ADCY2: variants seen among roughly 807,000 people sequenced by gnomAD.
ADCY2 encodes the protein adenylate cyclase 2.
ADCY2 carries 31 observed loss-of-function variants against 125.2 expected under a neutral mutation model. That is an observed-to-expected ratio of 0.25 (90% CI 0.19 to 0.33). The LOEUF (loss-of-function observed/expected upper bound fraction) is 0.33. ADCY2 is among the 10% of genes least tolerant of loss of function. The pLI, the probability that ADCY2 is intolerant of heterozygous loss-of-function variation, is 1.00. For missense variants in ADCY2, 904 were observed against 1,418.2 expected (o/e 0.64, Z 5.82); for synonymous variants, 512 against 548.4 (o/e 0.93, Z 0.93).
chr5:7,729,591 TTC>T (rs1388630530), intron 14 of ADCY2, among the ~76,000 whole-genome samples: 1 of 151,530 alleles, frequency 6.6e-6, no homozygotes, highest in African/African-American at 2.4e-5. Context: ...ATTGATCAAG[TTC>T]TTTCATTTTT....
chr5:7,503,481 T>C (rs984372184), intron 2 of ADCY2, among the ~76,000 whole-genome samples: 2 of 152,210 alleles, frequency 1.3e-5, no homozygotes, highest in African/African-American at 4.8e-5. Context: ...CATCTTAAAG[T>C]CATGTCAGTT....
chr5:7,564,569 T>C (rs545466657), intron 3 of ADCY2, among the ~76,000 whole-genome samples: 4 of 152,246 alleles, frequency 2.6e-5, no homozygotes, highest in Middle Eastern at 3.4e-3. Context: ...CTGTGTGCCA[T>C]GTCCCTGCCT....
chr5:7,750,244 C>T (rs1742762440), intron 15 of ADCY2, among the ~76,000 whole-genome samples: 2 of 152,004 alleles, frequency 1.3e-5, no homozygotes, highest in African/African-American at 4.8e-5. Context: ...TCTCTAGTGA[C>T]TTGGAACTTA....
At chr5:7,428,766 G>A (rs1447652092) in intron 2 of ADCY2, among the ~76,000 whole-genome samples, 2 of 152,158 alleles carry the variant, frequency 1.3e-5, no homozygotes, top group African/African-American at 4.8e-5. Context: ...TTGAAACAAT[G>A]GCTTTAAGAC....
chr5:7,426,435 G>A (rs1740391268), intron 2 of ADCY2, among the ~76,000 whole-genome samples: 1 of 152,190 alleles, frequency 6.6e-6, no homozygotes. Context: ...TCCCAAGACA[G>A]TCTTGTTGCT....
chr5:7,611,738 T>A (rs1737576026), intron 3 of ADCY2, among the ~76,000 whole-genome samples: 1 of 152,158 alleles, frequency 6.6e-6, no homozygotes, highest in Non-Finnish European at 1.5e-5. Flanking sequence ...CTTTATAAGC[T>A]GAAAAAGTGT....
Position 7,398,786 on chromosome 5 carries a change from G to A in ADCY2, c.210+2280G>A, listed in dbSNP as rs988541483. 3.3e-5 allele frequency among the ~76,000 whole-genome samples: 5 copies of A among 152,228 alleles called. 1 individual carries two copies. On this transcript the variant is annotated intron_variant, in intron 1 of 24. Coordinates refer to ENST00000338316, the MANE Select transcript of ADCY2 (RefSeq NM_020546.3). ...AAGGAGCTATGCCTAGGAGAAATGT[G>A]CCCTGTGTTCTGAAACCGGACCTGA...
intron 17 of ADCY2, among the ~76,000 whole-genome samples, chr5:7,772,056 C>G (rs1716997568): frequency 6.6e-6 from 1 of 152,166 alleles, no homozygotes; most frequent in Non-Finnish European, 1.5e-5. Flanking sequence ...CTGTGCATTA[C>G]TTTTTTATCT....
rs531914092 is a variant in ADCY2 at position 7,720,588 on chromosome 5, G to A, written c.1703+3351G>A. On this transcript the variant is annotated intron_variant, in intron 12 of 24. Coordinates refer to ENST00000338316, the MANE Select transcript of ADCY2 (RefSeq NM_020546.3). ...CAGGCTCTGTTGTTTGATGTTCCCC[G>A]CCCTGTGTCCAAGTGTTCTCATTGT... 1.7e-4 allele frequency among the ~76,000 whole-genome samples: 25 copies of A among 146,886 alleles called. 1 individual carries two copies. The East Asian group carries it at 3.1e-3, about 18-fold the overall frequency.
chr5:7,485,729 T>TA (rs1008760674), intron 2 of ADCY2, among the ~76,000 whole-genome samples: 1 of 152,284 alleles, frequency 6.6e-6, no homozygotes, highest in East Asian at 1.9e-4. Flanking sequence ...CACTACATTT[T>TA]AAAAAACTAT....
chr5:7,587,395 G>C (rs774720363), intron 3 of ADCY2, among the ~76,000 whole-genome samples: 2 of 152,158 alleles, frequency 1.3e-5, no homozygotes, highest in Non-Finnish European at 2.9e-5. Flanking sequence ...GCTTGATGAC[G>C]CATAGCGTTT....
At chr5:7,674,461 A>G (rs2050871790) in intron 4 of ADCY2, among the ~76,000 whole-genome samples, 1 of 152,202 alleles carries the variant, frequency 6.6e-6, no homozygotes, top group Non-Finnish European at 1.5e-5. Context: ...GGAGGGGAGC[A>G]GATCTCTTGC....
intron 23 of ADCY2, among the ~76,000 whole-genome samples, chr5:7,820,125 A>G (rs1235180173): frequency 3.3e-5 from 5 of 152,138 alleles, no homozygotes; most frequent in Non-Finnish European, 5.9e-5. Context: ...TTTATTTCTT[A>G]CCTCTTCTGT....
intron 18 of ADCY2, among the ~76,000 whole-genome samples, chr5:7,779,725 C>T (rs993706249): frequency 1.3e-5 from 2 of 152,100 alleles, no homozygotes; most frequent in Non-Finnish European, 2.9e-5. Context: ...TCTGAAAAAG[C>T]GGGAGCCTTT....
intron 10 of ADCY2, among the ~76,000 whole-genome samples, chr5:7,711,142 A>G (rs1204374668): frequency 6.6e-6 from 1 of 152,202 alleles, no homozygotes; most frequent in Non-Finnish European, 1.5e-5. Context: ...GGAGGCATGA[A>G]TGTGAACGTG....
intron 3 of ADCY2, among the ~76,000 whole-genome samples, chr5:7,536,885 G>T (rs1734831133): frequency 6.6e-6 from 1 of 152,142 alleles, no homozygotes; most frequent in Non-Finnish European, 1.5e-5. Context: ...GTGATGGGTT[G>T]ATGGGTGCAG....
intron 2 of ADCY2, among the ~76,000 whole-genome samples, chr5:7,445,178 G>T (rs1325366677): frequency 6.6e-6 from 1 of 152,176 alleles, no homozygotes; most frequent in Non-Finnish European, 1.5e-5. Context: ...CCACTGCTGG[G>T]TTATAAAGCA....
Position 7,827,520 on chromosome 5 carries a change from T to G in ADCY2, c.*649T>G, listed in dbSNP as rs1579487678. 6.6e-6 allele frequency: 1 copy of G among 152,436 alleles called. No individual in the cohort carries two copies. Among genetic ancestry groups the G allele is most frequent in the Non-Finnish European group, 1.5e-5 (1 of 68,058 alleles). 9.4% of individuals were successfully genotyped at this position (152,436 alleles called of 1,614,324 possible). ...TTGTAAAGTTAATTCATTAAAAGTT[T>G]TATGTACTTTGATTTACAGTGCCTG... On this transcript the variant is annotated 3_prime_UTR_variant, in exon 25 of 25. Coordinates refer to ENST00000338316, the MANE Select transcript of ADCY2 (RefSeq NM_020546.3).
intron 14 of ADCY2, among the ~76,000 whole-genome samples, chr5:7,736,144 C>T (rs1017081373): frequency 7.9e-5 from 12 of 152,014 alleles, no homozygotes; most frequent in African/African-American, 2.7e-4. Flanking sequence ...GGCTGTAGCC[C>T]GGGAAGTAGA....
Sources: gnomAD v4.1 joint callset for allele counts (sites outside exome capture counted in the v4.1 genomes callset) on GRCh38, gnomAD v4.1.1 for gene constraint, MANE v1.5 for transcripts, NCBI Gene and HGNC (gene_info 2026-07-23, HGNC 2026-07-21) for gene names.